SLC9B2: variants seen among roughly 807,000 people sequenced by gnomAD.
SLC9B2 encodes the protein sodium/hydrogen exchanger 9B2.
SLC9B2 carries 39 observed loss-of-function variants against 52.2 expected under a neutral mutation model. The observed-to-expected ratio is 0.75, with a 90% CI of 0.58 to 0.98. The LOEUF (loss-of-function observed/expected upper bound fraction) is 0.98. Ranked by LOEUF, SLC9B2 falls within the 50% of genes least tolerant of loss-of-function variation. The probability of loss-of-function intolerance (pLI) is 0.00; values close to 1 mark genes in which losing one functional copy is unlikely to be tolerated. For synonymous variants in SLC9B2, 214 were observed against 227.0 expected, an observed-to-expected ratio of 0.94 and a Z score of 0.51; for missense variants, 626 against 637.5, an observed-to-expected ratio of 0.98 and a Z score of 0.19.
At chr4:103,068,293 G>A (rs559137335) in intron 1 of SLC9B2, among the ~76,000 whole-genome samples, 4 of 152,240 alleles carry the variant, frequency 2.6e-5, no homozygotes, top group African/African-American at 9.6e-5. Context: ...TTCTCCCTTG[G>A]CTTTCCATGC....
Position 103,045,012 on chromosome 4 carries a change from A to G in SLC9B2, c.890-16T>C. The G allele has an allele frequency of 6.4e-7, 1 of 1,570,558 alleles. No individual in the cohort carries two copies. Among genetic ancestry groups the G allele is most frequent in the Non-Finnish European group, 8.7e-7 (1 of 1,143,356 alleles). On this transcript the variant is annotated splice_polypyrimidine_tract_variant and intron_variant, in intron 7 of 11. Coordinates refer to ENST00000394785, the MANE Select transcript of SLC9B2 (RefSeq NM_178833.7). ...ACAGTAGAGCCTGAAAAATATATTA[A>G]AAAAACTTAGAGCTCTAAATCCAAC... is the stretch of plus-strand genomic sequence containing the variant.
chr4:103,041,854 T>A (rs534927710), intron 9 of SLC9B2, among the ~76,000 whole-genome samples: 1 of 152,170 alleles, frequency 6.6e-6, no homozygotes, highest in African/African-American at 2.4e-5. Context: ...ACCTTGGACA[T>A]GTTATTTAAG....
chr4:103,036,541 C>T (rs1488234784), intron 9 of SLC9B2, among the ~76,000 whole-genome samples: 2 of 151,050 alleles, frequency 1.3e-5, no homozygotes, highest in Non-Finnish European at 3.0e-5. Flanking sequence ...AAAAAAGAAA[C>T]ATGGGCAAAA....
At chr4:103,046,911 A>T (rs1377770984) in intron 7 of SLC9B2, 140 bp downstream of exon 7, 4 of 948,776 alleles carry the variant, frequency 4.2e-6, no homozygotes, top group Non-Finnish European at 6.2e-6. Flanking sequence ...GACCCTCCTT[A>T]GGTACAGAAC....
At chr4:103,064,727 T>C (rs1745956351) in intron 3 of SLC9B2, among the ~76,000 whole-genome samples, 2 of 152,186 alleles carry the variant, frequency 1.3e-5, no homozygotes, top group African/African-American at 2.4e-5. Flanking sequence ...TATACATGTA[T>C]TGAAACATCA....
At position 103,066,388 on chromosome 4, in the gene SLC9B2, T is replaced by C. The variant is rs1302313062; in HGVS notation, c.210A>G (p.Gln70=). The part of the protein sequence containing the change: ...QETPTEANHV[Q]RLRQMLACPP... ...GGCAAGCCAGCATTTGTCTCAGTCT[T>C]TGTACGTGATTTGCTTCAGTTGGTG... The change falls in exon 3 of 12, where the codon CAA becomes CAG. Residue 70 remains glutamine, a synonymous_variant. Transcript: ENST00000394785. 1 of 1,614,008 alleles carries C rather than the reference T, an allele frequency of 6.2e-7. No individual in the cohort carries two copies. Among genetic ancestry groups the C allele is most frequent in the Non-Finnish European group, 8.5e-7 (1 of 1,179,978 alleles).
At chr4:103,058,139 A>C (rs186155485) in intron 3 of SLC9B2, among the ~76,000 whole-genome samples, 168 bp from the exon 4 acceptor site, 2 of 152,356 alleles carry the variant, frequency 1.3e-5, no homozygotes, top group East Asian at 3.9e-4. Context: ...GTAACTGCCA[A>C]CATCTTAAGA....
chr4:103,058,185 G>A (rs1745322158), intron 3 of SLC9B2, among the ~76,000 whole-genome samples: 1 of 152,122 alleles, frequency 6.6e-6, no homozygotes, highest in Non-Finnish European at 1.5e-5. Flanking sequence ...ATCTGCCTAT[G>A]TGCCCCTCCC....
intron 1 of SLC9B2, 138 bp downstream of exon 1, chr4:103,076,046 C>G (rs576286876): frequency 1.3e-5 from 2 of 152,434 alleles, no homozygotes; most frequent in Non-Finnish European, 2.9e-5. Context: ...CAACAGTAAA[C>G]AGACACGCGC....
chr4:103,042,150 A>G (rs1743698929), intron 9 of SLC9B2: 2 of 152,112 alleles, frequency 1.3e-5, no homozygotes, highest in Admixed American at 1.3e-4. Context: ...TCTATGGAAG[A>G]TCCCCACAGA....
Position 103,044,956 on chromosome 4 carries a change from C to G in SLC9B2, c.930G>C (p.Val310=), listed in dbSNP as rs764861300. 1.2e-6 allele frequency: 2 copies of G among 1,613,836 alleles called. No homozygotes were observed. Among genetic ancestry groups the G allele is most frequent in the Non-Finnish European group, 1.7e-6 (2 of 1,179,894 alleles). ...CAGATCCAGTTGCCACACCAATTAC[C>G]ACCTCCAAAACTCCTCTGAGGACAT... is the stretch of plus-strand genomic sequence containing the variant. ...VFNVLRGVLE[V]VIGVATGSVL... is the part of the protein sequence containing the mutation. Residue 310 remains valine, a synonymous_variant, in exon 8 of 12, where the codon GTG becomes GTC. Transcript: ENST00000394785.
intron 9 of SLC9B2, among the ~76,000 whole-genome samples, chr4:103,035,103 T>C (rs1168864740): frequency 6.6e-6 from 1 of 152,098 alleles, no homozygotes; most frequent in Non-Finnish European, 1.5e-5. Context: ...CAGTACCCAT[T>C]AGTTATATTT....
Position 103,023,700 on chromosome 4 carries a change from A to G in SLC9B2, c.*2670T>C, listed in dbSNP as rs973406165. On this transcript the variant is annotated 3_prime_UTR_variant, in exon 12 of 12. Transcript: ENST00000394785. The stretch of plus-strand genomic sequence containing the variant: ...AGTCACAGAGATTTAGATGGTGGCT[A>G]CCCTCTTAGAGGTAGAAAAGAGTTT... Among the ~76,000 whole-genome samples the G allele has an allele frequency of 2.6e-5, 4 of 152,210 alleles. No individual in the cohort carries two copies. The highest frequency in any genetic ancestry group is 9.6e-5 in the African/African-American group (4 of 41,454).
rs1452939018 is a variant in SLC9B2, at chr4:103,043,348, A to G, written c.1094T>C (p.Leu365Pro). The change falls in exon 9 of 12, where the codon CTG (leucine) becomes CCG (proline). Residue 365 changes from leucine (L) to proline (P), a missense_variant. Leu to Pro is a moderately conservative substitution (Grantham distance 98). Coordinates refer to ENST00000394785, the MANE Select transcript of SLC9B2 (RefSeq NM_178833.7). ...VHFGFPGSGG[L>P]CTLVMAFLAG... ...AAGGAAAGCCATGACCAACGTGCACAGTCCTCCTGATCCAGGGAAACCAAA... is the reference window on the plus strand; with the variant it reads ...AAGGAAAGCCATGACCAACGTGCACGGTCCTCCTGATCCAGGGAAACCAAA... The G allele has an allele frequency of 3.7e-6, 6 of 1,613,816 alleles. No individual in the cohort carries two copies. The highest frequency in any genetic ancestry group is 1.6e-4 in the Middle Eastern group (1 of 6,062).
chr4:103,019,155 G>A (rs142468775), downstream of SLC9B2, among the ~76,000 whole-genome samples: 1 of 152,194 alleles, frequency 6.6e-6, no homozygotes, highest in Non-Finnish European at 1.5e-5. Flanking sequence ...GGGCGTGGAT[G>A]TGGGTGGGTG....
At chr4:103,032,150 T>C (rs930261284) in intron 9 of SLC9B2, among the ~76,000 whole-genome samples, 2 of 151,936 alleles carry the variant, frequency 1.3e-5, no homozygotes, top group South Asian at 4.1e-4. Flanking sequence ...TGTTTTGTAG[T>C]TTAAAATTTT....
Position 103,050,257 on chromosome 4 carries a change from GGC to G in SLC9B2, c.566_567del (p.Gly189AlafsTer75). On this transcript the variant is annotated frameshift_variant, in exon 5 of 12. Coordinates refer to ENST00000394785, the MANE Select transcript of SLC9B2 (RefSeq NM_178833.7). ...IALSIILVRA[G>X]LGLDSKALKK... ...TTTCATACCTTTGAATCCAGACCAA[GGC>G]CAGCACGAACCAGAATGATAGACAG... is the stretch of plus-strand genomic sequence containing the variant. 1 of 1,594,672 alleles carries G rather than the reference GGC, an allele frequency of 6.3e-7. No individual in the cohort carries two copies.
chr4:103,048,803 G>T, intron 6 of SLC9B2, 90 bp downstream of exon 6: 1 of 1,452,436 alleles, frequency 6.9e-7, no homozygotes. Context: ...ATATCTATAA[G>T]AAAATTCTAT....
downstream of SLC9B2, among the ~76,000 whole-genome samples, chr4:103,018,560 A>C (rs1420495162): frequency 6.6e-6 from 1 of 152,140 alleles, no homozygotes; most frequent in Non-Finnish European, 1.5e-5. Flanking sequence ...TTTATCTCTA[A>C]GGAAAATCAG....
Sources: gnomAD v4.1 joint callset for allele counts (sites outside exome capture counted in the v4.1 genomes callset) on GRCh38, gnomAD v4.1.1 for gene constraint, MANE v1.5 for transcripts, NCBI Gene and HGNC (gene_info 2026-07-23, HGNC 2026-07-21) for gene names.